Variants in CGNL1 observed in about 807,000 individuals in gnomAD.
The protein encoded by CGNL1 is cingulin-like protein 1.
In CGNL1, 132 loss-of-function variants were observed where a neutral mutation model predicts 141.2. The ratio of observed to expected loss-of-function variants is 0.93; its 90% confidence interval spans 0.81 to 1.08. CGNL1 has a LOEUF of 1.08. Among genes scored for constraint, CGNL1 ranks in the 50% least tolerant of loss-of-function variants. CGNL1 has a pLI of 0.00. For synonymous variants in CGNL1, 690 were observed against 622.1 expected (o/e 1.11, Z -1.63); for missense variants, 1,870 against 1,588.6 (o/e 1.18, Z -3.01).
At chr15:57,452,703 A>T (rs2063336223) in intron 6 of CGNL1, among the ~76,000 whole-genome samples, 3 of 152,016 alleles carry the variant, frequency 2.0e-5, no homozygotes, top group South Asian at 4.1e-4. Flanking sequence ...GGTGTTTGTG[A>T]TGGGTGCTTA....
chr15:57,504,472 G>A (rs2064072643), intron 8 of CGNL1, among the ~76,000 whole-genome samples: 2 of 152,222 alleles, frequency 1.3e-5, no homozygotes, highest in Admixed American at 1.3e-4. Flanking sequence ...AGCCAGGTGG[G>A]CTGGATCTGC....
chr15:57,464,260 T>A (rs1174911908), intron 8 of CGNL1, among the ~76,000 whole-genome samples: 1 of 152,022 alleles, frequency 6.6e-6, no homozygotes, highest in African/African-American at 2.4e-5. Context: ...CAGCTTAGAG[T>A]TGCCAGTGAG....
intron 8 of CGNL1, among the ~76,000 whole-genome samples, chr15:57,471,588 C>G (rs1362947245): frequency 6.6e-6 from 1 of 152,224 alleles, no homozygotes; most frequent in Non-Finnish European, 1.5e-5. Context: ...GGAAGCACAG[C>G]TGAGGAGCTT....
intron 1 of CGNL1, among the ~76,000 whole-genome samples, chr15:57,428,402 A>G (rs1331175165): frequency 3.3e-5 from 5 of 152,236 alleles, no homozygotes; most frequent in African/African-American, 1.2e-4. Flanking sequence ...TCTAAAGTGG[A>G]GAGAAGAGGT....
intron 14 of CGNL1, among the ~76,000 whole-genome samples, chr15:57,533,064 A>C (rs1467609489): frequency 6.6e-6 from 1 of 152,160 alleles, no homozygotes; most frequent in Non-Finnish European, 1.5e-5. Context: ...TAGAACGTGA[A>C]TCCCTGGCTG....
Position 57,454,941 on chromosome 15 carries a change from C to T in CGNL1, c.2190+1123C>T, listed in dbSNP as rs539301562. On this transcript the variant is annotated intron_variant, in intron 7 of 18. Coordinates refer to ENST00000281282, the MANE Select transcript of CGNL1 (RefSeq NM_032866.5). ...GGGACGTACACATACTTTCCTAATA[C>T]CTGAGCAGCCATTTTTATTTCTATA... Among the ~76,000 whole-genome samples, 4 of 152,202 alleles carry T rather than the reference C, an allele frequency of 2.6e-5. No homozygotes were observed. In the South Asian group the frequency reaches 8.3e-4, roughly 32 times the overall value.
At chr15:57,397,786 C>CT (rs11386688) in intron 1 of CGNL1, among the ~76,000 whole-genome samples, 60,414 of 147,126 alleles carry the variant, frequency 0.41, 12,510 homozygotes, top group East Asian at 0.63. Context: ...TAAATTTCCT[C>CT]TTTTTTTTTT....
At chr15:57,483,753 T>C (rs560516502) in intron 8 of CGNL1, among the ~76,000 whole-genome samples, 1 of 152,310 alleles carries the variant, frequency 6.6e-6, no homozygotes, top group East Asian at 1.9e-4. Context: ...AGATCTTTTG[T>C]GAATTGGATG....
chr15:57,495,055 T>C (rs940393647), intron 8 of CGNL1, among the ~76,000 whole-genome samples: 1 of 152,198 alleles, frequency 6.6e-6, no homozygotes, highest in Admixed American at 6.5e-5. Context: ...TAAAAATCTT[T>C]CTTTACATCC....
In CGNL1 at chr15:57,492,697, A is replaced by AC. The variant is rs1393479675; in HGVS notation, c.2404-24083_2404-24082insC. Among the ~76,000 whole-genome samples the AC allele has an allele frequency of 3.6e-4, 4 of 10,966 alleles. No individual in the cohort carries two copies. In the Non-Finnish European group the frequency reaches 5.8e-3, roughly 16 times the overall value. 7.2% of individuals were successfully genotyped at this position (10,966 alleles called of 152,430 possible). On this transcript the variant is annotated intron_variant, in intron 8 of 18. Transcript: ENST00000281282. ...AACTTCATGACTTTTGTTGTCCATAAGGAAAAAAAAAACCCAAAACATTTC... is the reference window on the plus strand; with the variant it reads ...AACTTCATGACTTTTGTTGTCCATAACGGAAAAAAAAAACCCAAAACATTTC...
intron 8 of CGNL1, among the ~76,000 whole-genome samples, chr15:57,463,762 A>G (rs1289221051): frequency 2.0e-5 from 3 of 152,234 alleles, no homozygotes; most frequent in Non-Finnish European, 4.4e-5. Flanking sequence ...CCATCTCCAG[A>G]AAACTCTGTG....
intron 1 of CGNL1, among the ~76,000 whole-genome samples, chr15:57,411,331 C>G (rs933317542): frequency 3.3e-5 from 5 of 152,190 alleles, no homozygotes; most frequent in African/African-American, 1.2e-4. Flanking sequence ...TGTGATCTCT[C>G]TGGGGAGTCA....
intron 1 of CGNL1, among the ~76,000 whole-genome samples, chr15:57,422,222 T>A (rs553512093): frequency 6.6e-6 from 1 of 151,216 alleles, no homozygotes; most frequent in African/African-American, 2.4e-5. Context: ...TGCAGTTATT[T>A]TTTTTTTTTC....
chr15:57,480,766 C>T (rs368678967), intron 8 of CGNL1, among the ~76,000 whole-genome samples: 13 of 152,226 alleles, frequency 8.5e-5, no homozygotes, highest in East Asian at 1.9e-4. Flanking sequence ...AGAATTTATA[C>T]AGCCTTCTAA....
intron 8 of CGNL1, chr15:57,477,421 A>G (rs2063670384): frequency 6.6e-6 from 1 of 152,228 alleles, no homozygotes; most frequent in African/African-American, 2.4e-5. Flanking sequence ...TATTTGGAGC[A>G]AGAACCAAGG....
At chr15:57,432,217 A>G (rs1474506880) in intron 1 of CGNL1, among the ~76,000 whole-genome samples, 1 of 152,176 alleles carries the variant, frequency 6.6e-6, no homozygotes, top group Non-Finnish European at 1.5e-5. Context: ...GCCTGGTTGC[A>G]TTTCCTCCGT....
intron 1 of CGNL1, among the ~76,000 whole-genome samples, chr15:57,431,575 A>G (rs186087555): frequency 6.6e-6 from 1 of 152,330 alleles, no homozygotes; most frequent in African/African-American, 2.4e-5. Flanking sequence ...TCTTCCCACT[A>G]GTTCCACAGA....
At chr15:57,413,843 G>A (rs1245606854) in intron 1 of CGNL1, among the ~76,000 whole-genome samples, 3 of 152,120 alleles carry the variant, frequency 2.0e-5, no homozygotes, top group African/African-American at 7.2e-5. Context: ...CAACTGCTTG[G>A]CCTTTTCATC....
At position 57,386,364 on chromosome 15, in the gene CGNL1, C is replaced by G. The variant is rs138108391; in HGVS notation, c.-16+9797C>G. ...TCTGACTCTGCACGTGTGAAACTAG[C>G]TCTACGTATGTGAATGTGCTGTGTG... On this transcript the variant is annotated intron_variant, in intron 1 of 18. Coordinates refer to ENST00000281282, the MANE Select transcript of CGNL1 (RefSeq NM_032866.5). Among the ~76,000 whole-genome samples, 600 of 152,298 alleles carry G rather than the reference C, an allele frequency of 3.9e-3. 7 individuals are homozygous for G. Among genetic ancestry groups the G allele is most frequent in the African/African-American group, 0.014 (568 of 41,554 alleles).
Sources: gnomAD v4.1 joint callset for allele counts (sites outside exome capture counted in the v4.1 genomes callset) on GRCh38, gnomAD v4.1.1 for gene constraint, MANE v1.5 for transcripts, NCBI Gene and HGNC (gene_info 2026-07-23, HGNC 2026-07-21) for gene names.